The following DDAH1 variants were observed in gnomAD, a reference collection of about 807,000 sequenced individuals.
The protein encoded by DDAH1 is dimethylarginine dimethylaminohydrolase 1.
DDAH1 carries 19 observed loss-of-function variants against 28.8 expected under a neutral mutation model. The ratio of observed to expected loss-of-function variants is 0.66; its 90% confidence interval spans 0.46 to 0.97. The LOEUF (loss-of-function observed/expected upper bound fraction) is 0.97, where lower values mean the gene tolerates loss of function less well. DDAH1 is among the 50% of genes least tolerant of loss of function. The pLI is 0.00. For synonymous variants in DDAH1, 153 were observed against 154.4 expected, an observed-to-expected ratio of 0.99 and a Z score of 0.07; for missense variants, 326 against 375.9, an observed-to-expected ratio of 0.87 and a Z score of 1.10.
chr1:85,390,564 A>G (rs1651497972), intron 1 of DDAH1, among the ~76,000 whole-genome samples: 1 of 152,162 alleles, frequency 6.6e-6, no homozygotes, highest in South Asian at 2.1e-4. Context: ...ACACATGGAT[A>G]TGCTGGGATG....
intron 1 of DDAH1, among the ~76,000 whole-genome samples, chr1:85,540,430 C>T (rs983257092): frequency 6.6e-6 from 1 of 152,106 alleles, no homozygotes; most frequent in African/African-American, 2.4e-5. Context: ...TCCTGATTCC[C>T]CAAATTAAAA....
intron 2 of DDAH1, among the ~76,000 whole-genome samples, chr1:85,484,608 T>A (rs886154179): frequency 2.6e-5 from 4 of 152,246 alleles, no homozygotes; most frequent in African/African-American, 9.6e-5. Flanking sequence ...ACAGTCAGAC[T>A]AACCATGTAG....
chr1:85,528,466 A>T (rs113886447), intron 1 of DDAH1, among the ~76,000 whole-genome samples: 2,046 of 151,430 alleles, frequency 0.014, 51 homozygotes, highest in African/African-American at 0.047. Flanking sequence ...TAAATGATTC[A>T]AGGAAATAAA....
At chr1:85,375,268 C>G (rs1235656928) in intron 1 of DDAH1, among the ~76,000 whole-genome samples, 1 of 152,050 alleles carries the variant, frequency 6.6e-6, no homozygotes, top group Non-Finnish European at 1.5e-5. Context: ...GGATGTTGCA[C>G]AGAGAGAGGT....
At chr1:85,401,438 G>C (rs1053950238) in intron 1 of DDAH1, among the ~76,000 whole-genome samples, 2 of 151,494 alleles carry the variant, frequency 1.3e-5, no homozygotes, top group Admixed American at 1.3e-4. Flanking sequence ...GTTGTAATGA[G>C]GATGAAATAT....
chr1:85,532,015 A>G (rs1658109673), intron 1 of DDAH1, among the ~76,000 whole-genome samples: 1 of 152,056 alleles, frequency 6.6e-6, no homozygotes, highest in African/African-American at 2.4e-5. Flanking sequence ...TTTGTAGGGC[A>G]TGCCTATTAC....
chr1:85,575,536 C>T (rs1038419925), intron 1 of DDAH1, among the ~76,000 whole-genome samples: 2 of 152,218 alleles, frequency 1.3e-5, no homozygotes, highest in African/African-American at 4.8e-5. Flanking sequence ...TACAACACTC[C>T]TTTTCTCCCT....
intron 1 of DDAH1, among the ~76,000 whole-genome samples, chr1:85,560,648 T>C (rs1659111391): frequency 6.6e-6 from 1 of 151,934 alleles, no homozygotes. Context: ...GAGCAATCAA[T>C]TAAAAAAATA....
At chr1:85,419,204 T>C (rs968773599) in intron 1 of DDAH1, among the ~76,000 whole-genome samples, 2 of 152,090 alleles carry the variant, frequency 1.3e-5, no homozygotes, top group Non-Finnish European at 1.5e-5. Context: ...TCTCCTGGAA[T>C]TGTGCGATGA....
At chr1:85,520,142 C>T (rs2100761613) in intron 1 of DDAH1, among the ~76,000 whole-genome samples, 1 of 152,266 alleles carries the variant, frequency 6.6e-6, no homozygotes, top group African/African-American at 2.4e-5. Flanking sequence ...CTGTATCATT[C>T]TTATGCCTTT....
chr1:85,478,516 C>T (rs2100712829), intron 2 of DDAH1, among the ~76,000 whole-genome samples: 1 of 147,746 alleles, frequency 6.8e-6, no homozygotes. Flanking sequence ...AGGGGAACTC[C>T]CATTTATGAA....
chr1:85,390,032 C>G (rs1334467926), intron 1 of DDAH1, among the ~76,000 whole-genome samples: 1 of 152,092 alleles, frequency 6.6e-6, no homozygotes, highest in Non-Finnish European at 1.5e-5. Flanking sequence ...AAATTCTAGT[C>G]GTTTTTATAT....
chr1:85,500,148 TTTCTTTCTTTCTTTC>T (rs1222672886), intron 1 of DDAH1, among the ~76,000 whole-genome samples: 5,351 of 66,876 alleles, frequency 0.08, 165 homozygotes, highest in African/African-American at 0.14. Flanking sequence ...CTTTCTTTCT[TTTCTTTCTTTCTTTC>T]TCTTTTTTCC....
chr1:85,501,395 C>T (rs1383945784), intron 1 of DDAH1, among the ~76,000 whole-genome samples: 2 of 152,162 alleles, frequency 1.3e-5, no homozygotes, highest in African/African-American at 4.8e-5. Flanking sequence ...TGTGCACCTT[C>T]TGGAATCTCC....
At chr1:85,415,007 T>TTC (rs1652828089) in intron 1 of DDAH1, among the ~76,000 whole-genome samples, 1 of 50,018 alleles carries the variant, frequency 2.0e-5, no homozygotes, top group Non-Finnish European at 4.2e-5. Flanking sequence ...AAGTGTTGCT[T>TTC]TTTTTTTTTT....
intron 1 of DDAH1, among the ~76,000 whole-genome samples, chr1:85,404,929 T>C (rs1191170453): frequency 6.6e-6 from 1 of 152,220 alleles, no homozygotes; most frequent in Non-Finnish European, 1.5e-5. Flanking sequence ...CTTCTTTCCT[T>C]TGGGTTTTGT....
At position 85,521,488 on chromosome 1, in the gene DDAH1, C is replaced by T. The variant is rs575506133; in HGVS notation, c.-122-25207G>A. 6.2e-5 allele frequency: 17 copies of T among 274,724 alleles called. No homozygotes were observed. The Admixed American group carries it at 8.5e-4, about 14-fold the overall frequency. 17.0% of individuals were successfully genotyped at this position (274,724 alleles called of 1,614,324 possible). A position where few individuals can be genotyped will look rare whatever the true frequency, so the allele number is the denominator to read the frequency against. On this transcript the variant is annotated intron_variant, in intron 1 of 6. Transcript: ENST00000426972. ...CTTTAATGGCCAATCTGAAAGATCC[C>T]TGCTATGCTGAAAACCTTCGTAAGA... is the stretch of plus-strand genomic sequence containing the variant.
chr1:85,442,201 C>T (rs1339789773), intron 1 of DDAH1, among the ~76,000 whole-genome samples: 1 of 152,098 alleles, frequency 6.6e-6, no homozygotes, highest in African/African-American at 2.4e-5. Context: ...ACGACAGGCC[C>T]CAGTGTGTGA....
At chr1:85,521,709 C>T (rs1657698171) in intron 1 of DDAH1, 10 of 950,078 alleles carry the variant, frequency 1.1e-5, no homozygotes, top group Non-Finnish European at 1.3e-5. Flanking sequence ...GGCTCAGATG[C>T]TCTCTCTGTG....
Sources: allele counts gnomAD v4.1 joint callset (sites outside exome capture counted in the v4.1 genomes callset), GRCh38; gene constraint gnomAD v4.1.1; transcripts MANE v1.5; gene names NCBI Gene and HGNC (gene_info 2026-07-23, HGNC 2026-07-21).